FBXO8: variants seen among roughly 807,000 people sequenced by gnomAD.
FBXO8 encodes F-box protein 8.
In FBXO8, 15 loss-of-function variants were observed where a neutral mutation model predicts 33.4. The ratio of observed to expected loss-of-function variants is 0.45; its 90% CI spans 0.30 to 0.69. FBXO8 has a LOEUF of 0.69. FBXO8 is among the 30% of genes least tolerant of loss of function. FBXO8 has a pLI of 0.08. For synonymous variants in FBXO8, 132 were observed against 131.5 expected (o/e 1.00, Z -0.02); for missense variants, 274 against 380.3 (o/e 0.72, Z 2.32).
At chr4:174,280,395 T>A (rs1737053627) in intron 1 of FBXO8, among the ~76,000 whole-genome samples, 1 of 152,128 alleles carries the variant, frequency 6.6e-6, no homozygotes, top group Admixed American at 6.5e-5. Flanking sequence ...ATGTAATACG[T>A]ATGGTACAGC....
chr4:174,276,375 C>T (rs1736960261), intron 1 of FBXO8, among the ~76,000 whole-genome samples: 1 of 152,010 alleles, frequency 6.6e-6, no homozygotes, highest in Non-Finnish European at 1.5e-5. Flanking sequence ...GTAGCTGGGA[C>T]TACAGGCGCG....
Position 174,253,562 on chromosome 4 carries a change from T to C in FBXO8, c.456+6137A>G, listed in dbSNP as rs1736346914. 6.6e-6 allele frequency among the ~76,000 whole-genome samples: 1 copy of C among 152,204 alleles called. No individual in the cohort carries two copies. Among genetic ancestry groups the C allele is most frequent in the Non-Finnish European group, 1.5e-5 (1 of 68,032 alleles). The stretch of plus-strand genomic sequence containing the variant: ...CAGAAACAAGGAAGGCTGAATCACA[T>C]GTTTTAAGTGTATCACTAGTTAAAA... On this transcript the variant is annotated intron_variant, in intron 3 of 5. Coordinates refer to ENST00000393674, the MANE Select transcript of FBXO8 (RefSeq NM_012180.3). The surrounding 1 kb of genome is among the most constrained non-coding windows in gnomAD (Gnocchi z 4.5).
chr4:174,251,143 T>C lies in FBXO8; in HGVS notation c.456+8556A>G, dbSNP rs1480873678. 6.6e-6 allele frequency among the ~76,000 whole-genome samples: 1 copy of C among 152,158 alleles called. No homozygotes were observed. Among genetic ancestry groups the C allele is most frequent in the African/African-American group, 2.4e-5 (1 of 41,442 alleles). Reference sequence around the variant, plus strand: ...GCATATCATATTTTAATATTAAAAATTTAAAAATGTATCCTAGGATGAAGA... The same window carrying C: ...GCATATCATATTTTAATATTAAAAACTTAAAAATGTATCCTAGGATGAAGA... On this transcript the variant is annotated intron_variant, in intron 3 of 5. Transcript: ENST00000393674. The surrounding 1 kb of genome is among the most constrained non-coding windows in gnomAD (Gnocchi z 4.2).
intron 1 of FBXO8, among the ~76,000 whole-genome samples, chr4:174,266,683 C>T (rs778691102): frequency 4.6e-5 from 7 of 152,064 alleles, no homozygotes; most frequent in African/African-American, 9.7e-5. Flanking sequence ...GGGTTTAAAT[C>T]CTGACTTTAT....
chr4:174,248,516 C>G (rs903179753), intron 3 of FBXO8, among the ~76,000 whole-genome samples: 2 of 151,940 alleles, frequency 1.3e-5, no homozygotes, highest in Non-Finnish European at 2.9e-5. Flanking sequence ...GTCTAAATAG[C>G]AGATTTCAGT....
In FBXO8 at chr4:174,256,381, G is replaced by A. The variant is rs1279310167; in HGVS notation, c.456+3318C>T. On this transcript the variant is annotated intron_variant, in intron 3 of 5. Transcript: ENST00000393674. The surrounding 1 kb of genome is among the most constrained non-coding windows in gnomAD (Gnocchi z 4.6). ...CTGATGACAGTGCTCCAGTGAGTGG[G>A]GAAAAAGAAAACAAAATACAGTCTC... Among the ~76,000 whole-genome samples the A allele has an allele frequency of 3.3e-5, 5 of 151,948 alleles. No homozygotes were observed. Among genetic ancestry groups the A allele is most frequent in the Admixed American group, 2.6e-4 (4 of 15,258 alleles).
In FBXO8 at chr4:174,238,990, T is replaced by C; in HGVS notation, c.772+4A>G. ...TGATGTACTATTAATATATATATTC[T>C]TACCAGGACTAAGGCCAAGTTCTCG... On this transcript the variant is annotated splice_donor_region_variant and intron_variant, in intron 5 of 5. Coordinates refer to ENST00000393674, the MANE Select transcript of FBXO8 (RefSeq NM_012180.3). 1 of 1,523,800 alleles carries C rather than the reference T, an allele frequency of 6.6e-7. No homozygotes were observed. The highest frequency in any genetic ancestry group is 8.8e-7 in the Non-Finnish European group (1 of 1,131,876). The allele number at this position is 1,523,800 out of a possible 1,614,324, so 94.4% of individuals were successfully genotyped here. A position where few individuals can be genotyped will look rare whatever the true frequency, so the allele number is the denominator to read the frequency against.
rs993239471 is a variant in FBXO8 at position 174,245,425 on chromosome 4, T to G, written c.457-4207A>C. Among the ~76,000 whole-genome samples the G allele has an allele frequency of 1.3e-5, 2 of 151,916 alleles. No individual in the cohort carries two copies. Among genetic ancestry groups the G allele is most frequent in the African/African-American group, 2.4e-5 (1 of 41,426 alleles). ...GAATGAGGGGAACACTGGAGAAGAATGTTCCAGTTAATACTGTATTATATG... is the reference window on the plus strand; with the variant it reads ...GAATGAGGGGAACACTGGAGAAGAAGGTTCCAGTTAATACTGTATTATATG... On this transcript the variant is annotated intron_variant, in intron 3 of 5. Transcript: ENST00000393674. The surrounding 1 kb of genome is among the most constrained non-coding windows in gnomAD (Gnocchi z 4.6).
chr4:174,237,442 A>G lies in FBXO8; in HGVS notation c.930T>C (p.Asn310=), dbSNP rs1735912226. Residue 310 remains asparagine, a synonymous_variant, in exon 6 of 6, where the codon AAT becomes AAC. Coordinates refer to ENST00000393674, the MANE Select transcript of FBXO8 (RefSeq NM_012180.3). The surrounding 1 kb of genome is among the most constrained non-coding windows in gnomAD (Gnocchi z 4.4). The part of the protein sequence containing the change: ...SEDFVGHLYD[N]IYLIGHVAA The stretch of plus-strand genomic sequence containing the variant: ...CAGCCACATGGCCAATAAGGTAGAT[A>G]TTGTCATAAAGATGCCCTACAAAAT... 4 of 1,613,428 alleles carry G rather than the reference A, an allele frequency of 2.5e-6. No homozygotes were observed. Among genetic ancestry groups the G allele is most frequent in the Admixed American group, 3.3e-5 (2 of 59,978 alleles).
rs979196390 is a variant in FBXO8 at position 174,277,087 on chromosome 4, G to C, written c.-9+6323C>G. 2.6e-5 allele frequency among the ~76,000 whole-genome samples: 4 copies of C among 152,054 alleles called. No individual in the cohort carries two copies. The highest frequency in any genetic ancestry group is 1.9e-4 in the East Asian group (1 of 5,198). On this transcript the variant is annotated intron_variant, in intron 1 of 5. Coordinates refer to ENST00000393674, the MANE Select transcript of FBXO8 (RefSeq NM_012180.3). The surrounding 1 kb of genome is among the most constrained non-coding windows in gnomAD (Gnocchi z 4.9). ...CCAAGTCTGTTACAACAGCATAAAA[G>C]CGCTTCCACTTAAAAGCAGTACAAA...
chr4:174,266,512 C>A (rs994640586), intron 1 of FBXO8, among the ~76,000 whole-genome samples: 1 of 152,058 alleles, frequency 6.6e-6, no homozygotes, highest in Non-Finnish European at 1.5e-5. Context: ...AGCGTTCTGC[C>A]CCCATTCCCT....
In FBXO8 at chr4:174,263,071, C is replaced by A; in HGVS notation, c.22G>T (p.Val8Leu). Residue 8 changes from valine (V) to leucine (L), a missense_variant, in exon 2 of 6, where the codon GTG (valine) becomes TTG (leucine). By Grantham distance (32) the Val-to-Leu change is conservative. Around this residue, in one of 2 missense-constraint regions of FBXO8, gnomAD observed 88 missense variants for 86.9 expected, o/e 1.01. Transcript: ENST00000393674. The surrounding 1 kb of genome is among the most constrained non-coding windows in gnomAD (Gnocchi z 4.2). ...TGTTGCAGCTGCTGGTTTCTGACCA[C>A]TCTCCACAACCCTTGACCCATCTGC... MGQGLWRVVRNQQLQQEG... is the reference protein window; with the variant it reads MGQGLWRLVRNQQLQQEG... 6.2e-7 allele frequency: 1 copy of A among 1,613,840 alleles called. No homozygotes were observed. Among genetic ancestry groups the A allele is most frequent in the East Asian group, 2.2e-5 (1 of 44,882 alleles).
Position 174,280,483 on chromosome 4 carries a change from A to C in FBXO8, c.-9+2927T>G, listed in dbSNP as rs566011044. Among the ~76,000 whole-genome samples the C allele has an allele frequency of 3.9e-5, 6 of 152,298 alleles. No homozygotes were observed. The East Asian group carries it at 7.7e-4, about 20-fold the overall frequency. On this transcript the variant is annotated intron_variant, in intron 1 of 5. Coordinates refer to ENST00000393674, the MANE Select transcript of FBXO8 (RefSeq NM_012180.3). ...CATGTGATCTAGCAATTCCACTTTC[A>C]GGTATATACCCTCAAGAATTCAAAG...
At chr4:174,269,971 A>G (rs1438104215) in intron 1 of FBXO8, among the ~76,000 whole-genome samples, 1 of 152,200 alleles carries the variant, frequency 6.6e-6, no homozygotes, top group East Asian at 1.9e-4. Context: ...GCTATTATAT[A>G]CTGTTTTGGT....
rs1405819189 is a variant in FBXO8 at position 174,278,424 on chromosome 4, A to G, written c.-9+4986T>C. ...CTATAAAAAGTGTTACCAAAATGGC[A>G]ACTAAATAAATGTAAAAATTAAGAT... On this transcript the variant is annotated intron_variant, in intron 1 of 5. Transcript: ENST00000393674. The surrounding 1 kb of genome is among the most constrained non-coding windows in gnomAD (Gnocchi z 4.1). Among the ~76,000 whole-genome samples the G allele has an allele frequency of 6.6e-6, 1 of 152,238 alleles. No homozygotes were observed. The highest frequency in any genetic ancestry group is 1.9e-4 in the East Asian group (1 of 5,192).
At position 174,256,067 on chromosome 4, in the gene FBXO8, T is replaced by G. The variant is rs1736408975; in HGVS notation, c.456+3632A>C. 1 of 455,934 alleles carries G rather than the reference T, an allele frequency of 2.2e-6. No individual in the cohort carries two copies. Among genetic ancestry groups the G allele is most frequent in the Non-Finnish European group, 4.4e-6 (1 of 226,856 alleles). 28.2% of individuals were successfully genotyped at this position (455,934 alleles called of 1,614,324 possible). On this transcript the variant is annotated intron_variant, in intron 3 of 5. Transcript: ENST00000393674. This position sits in a 1 kb window ranked among gnomAD's most constrained non-coding sequence, Gnocchi z 4.6. ...TGTTCTCCCCCACCCCATGAGCCAC[T>G]GCCAGCAGCTGCTGTGGAGCTTGGT...
chr4:174,244,372 G>T (rs1285542176), intron 3 of FBXO8, among the ~76,000 whole-genome samples: 1 of 151,566 alleles, frequency 6.6e-6, no homozygotes, highest in Non-Finnish European at 1.5e-5. Context: ...TAGTTGAGCT[G>T]TTCAAAGACC....
Position 174,237,134 on chromosome 4 carries a change from G to C in FBXO8, c.*278C>G, listed in dbSNP as rs2081140854. 1 of 304,004 alleles carries C rather than the reference G, an allele frequency of 3.3e-6. No homozygotes were observed. Among genetic ancestry groups the C allele is most frequent in the African/African-American group, 2.1e-5 (1 of 47,208 alleles). The allele number at this position is 304,004 out of a possible 1,614,324, so 18.8% of individuals were successfully genotyped here. On this transcript the variant is annotated 3_prime_UTR_variant, in exon 6 of 6. Coordinates refer to ENST00000393674, the MANE Select transcript of FBXO8 (RefSeq NM_012180.3). This position sits in a 1 kb window ranked among gnomAD's most constrained non-coding sequence, Gnocchi z 4.4. ...ATGCACAAATACACCATCTTTTAGA[G>C]TATAATGTCAGTTTATCATTCGTTA... is the stretch of plus-strand genomic sequence containing the variant.
At position 174,265,898 on chromosome 4, in the gene FBXO8, T is replaced by C. The variant is rs1174395208; in HGVS notation, c.-8-2798A>G. Among the ~76,000 whole-genome samples the C allele has an allele frequency of 6.6e-6, 1 of 152,236 alleles. No homozygotes were observed. Among genetic ancestry groups the C allele is most frequent in the Non-Finnish European group, 1.5e-5 (1 of 68,040 alleles). On this transcript the variant is annotated intron_variant, in intron 1 of 5. Coordinates refer to ENST00000393674, the MANE Select transcript of FBXO8 (RefSeq NM_012180.3). This position sits in a 1 kb window ranked among gnomAD's most constrained non-coding sequence, Gnocchi z 4.7. ...AGAAAATATCTAGAAATCACATTAA[T>C]TGCTGAGCTCACCTAGCACAGCTGT...
Sources: allele counts gnomAD v4.1 joint callset (sites outside exome capture counted in the v4.1 genomes callset), GRCh38; gene constraint gnomAD v4.1.1; regional missense constraint gnomAD v4.1.1; non-coding constraint Gnocchi (gnomAD v3.1); transcripts MANE v1.5; gene names NCBI Gene and HGNC (gene_info 2026-07-23, HGNC 2026-07-21).